Variants in PKHD1L1 observed in about 807,000 individuals in gnomAD.
PKHD1L1 encodes the protein PKHD1 like 1.
In PKHD1L1, 434 loss-of-function variants were observed where a neutral mutation model predicts 462.9. The ratio of observed to expected loss-of-function variants is 0.94; its 90% CI spans 0.87 to 1.02. The LOEUF (loss-of-function observed/expected upper bound fraction) is 1.02. PKHD1L1 is among the 50% of genes least tolerant of loss of function. The pLI is 0.00. For missense variants in PKHD1L1, 5,202 were observed against 5,096.1 expected (o/e 1.02, Z -0.63); for synonymous variants, 1,781 against 1,750.0 (o/e 1.02, Z -0.44).
chr8:109,470,245 C>G (rs529142145), intron 50 of PKHD1L1: 11 of 1,353,438 alleles, frequency 8.1e-6, no homozygotes, highest in Non-Finnish European at 1.0e-5. Context: ...ATACTCAGAT[C>G]ATCATGAAAA....
chr8:109,384,362 G>A (rs1466406604), intron 5 of PKHD1L1, among the ~76,000 whole-genome samples: 1 of 151,814 alleles, frequency 6.6e-6, no homozygotes, highest in Non-Finnish European at 1.5e-5. Flanking sequence ...AACATCATGA[G>A]ACCCTCTCTC....
In PKHD1L1 at chr8:109,362,607, T is replaced by A; in HGVS notation, c.27T>A (p.Ile9=). The change falls in exon 1 of 78, where the codon ATT becomes ATA. Residue 9 remains isoleucine, a synonymous_variant. Transcript: ENST00000378402. MGHLWLLG[I]WGLCGLLLCA... is the part of the protein sequence containing the mutation. ...TGGGACACCTGTGGCTCCTGGGTAT[T>A]TGGGGCCTCTGTGGGCTGCTCCTGT... 3 of 1,609,958 alleles carry A rather than the reference T, an allele frequency of 1.9e-6. No individual in the cohort carries two copies. The highest frequency in any genetic ancestry group is 2.5e-6 in the Non-Finnish European group (3 of 1,178,226).
chr8:109,479,530 G>A, intron 53 of PKHD1L1, 21 bp from the exon 54 acceptor site: 1 of 1,387,504 alleles, frequency 7.2e-7, no homozygotes, highest in Non-Finnish European at 1.0e-6. Context: ...ATTCATGGAA[G>A]TATTTCTCTT....
intron 12 of PKHD1L1, among the ~76,000 whole-genome samples, chr8:109,399,034 C>G (rs980244384): frequency 6.6e-6 from 1 of 152,136 alleles, no homozygotes; most frequent in African/African-American, 2.4e-5. Context: ...GCTTTCCTAT[C>G]TACACTAATA....
intron 77 of PKHD1L1, among the ~76,000 whole-genome samples, chr8:109,528,437 A>G (rs1284367414): frequency 6.6e-6 from 1 of 152,198 alleles, no homozygotes; most frequent in Non-Finnish European, 1.5e-5. Context: ...AAATATAATC[A>G]ACATCAAAGA....
intron 50 of PKHD1L1, among the ~76,000 whole-genome samples, chr8:109,468,794 TG>T (rs2130847558): frequency 6.6e-6 from 1 of 152,296 alleles, no homozygotes; most frequent in Non-Finnish European, 1.5e-5. Flanking sequence ...ATGGAAGGTC[TG>T]GTTATTTTTC....
At position 109,518,493 on chromosome 8, in the gene PKHD1L1, A is replaced by G. The variant is rs1820388776; in HGVS notation, c.12016A>G (p.Ser4006Gly). Residue 4006 changes from serine (S) to glycine (G), a missense_variant, in exon 73 of 78, where the codon AGC becomes GGC. Physicochemically the swap from Ser to Gly is moderately conservative, Grantham distance 56. Around this residue, in one of 3 missense-constraint regions of PKHD1L1, gnomAD observed 698 missense variants for 736.3 expected, o/e 0.95. Transcript: ENST00000378402. ...TGGAGACCCTCCTATTCAGTTCATAAGCAATGGCACCACAGGTATGAATAA... is the reference window on the plus strand; with the variant it reads ...TGGAGACCCTCCTATTCAGTTCATAGGCAATGGCACCACAGGTATGAATAA... ...EIGDPPIQFI[S>G]NGTTGQMQLS... 2 of 1,599,814 alleles carry G rather than the reference A, an allele frequency of 1.3e-6. No homozygotes were observed. Among genetic ancestry groups the G allele is most frequent in the Non-Finnish European group, 1.7e-6 (2 of 1,177,698 alleles).
At chr8:109,456,112 A>G in intron 45 of PKHD1L1, 150 bp from the exon 46 acceptor site, 5 of 756,916 alleles carry the variant, frequency 6.6e-6, no homozygotes, top group Admixed American at 3.4e-5. Context: ...AGCATTCTAC[A>G]TATTTCTTTT....
intron 50 of PKHD1L1, chr8:109,470,636 T>G: frequency 6.5e-7 from 1 of 1,537,218 alleles, no homozygotes; most frequent in South Asian, 1.2e-5. Context: ...GTGTCCCAAC[T>G]AGAATTGAAA....
At chr8:109,461,479 A>G (rs554053722) in intron 47 of PKHD1L1, among the ~76,000 whole-genome samples, 1 of 152,316 alleles carries the variant, frequency 6.6e-6, no homozygotes, top group East Asian at 1.9e-4. Context: ...AAGGCTTCAT[A>G]AATAATAAAA....
rs1818001301 is a variant in PKHD1L1 at position 109,476,633 on chromosome 8, C to T, written c.8883C>T (p.His2961=). The T allele has an allele frequency of 6.2e-7, 1 of 1,600,542 alleles. No individual in the cohort carries two copies. Among genetic ancestry groups the T allele is most frequent in the East Asian group, 2.2e-5 (1 of 44,512 alleles). ...ATACTAGCAAGAATGGGGACTGGCA[C>T]CTTGAAGCAAACACTAGTACTCTAT... is the stretch of plus-strand genomic sequence containing the variant. ...NWNTSKNGDW[H]LEANTSTLYY... is the part of the protein sequence containing the mutation. Residue 2961 remains histidine (H), a synonymous_variant, in exon 52 of 78, where the codon CAC becomes CAT. Transcript: ENST00000378402.
chr8:109,441,767 A>G (rs1470017931), intron 34 of PKHD1L1, among the ~76,000 whole-genome samples: 1 of 151,836 alleles, frequency 6.6e-6, no homozygotes, highest in African/African-American at 2.4e-5. Flanking sequence ...TTTTTTTTCA[A>G]ATTGTCTGTT....
Position 109,481,555 on chromosome 8 carries a change from G to A in PKHD1L1, c.9450G>A (p.Lys3150=), listed in dbSNP as rs775492005. 6 of 1,584,518 alleles carry A rather than the reference G, an allele frequency of 3.8e-6. No homozygotes were observed. Among genetic ancestry groups the A allele is most frequent in the Middle Eastern group, 1.7e-4 (1 of 5,996 alleles). The change falls in exon 56 of 78, where the codon AAG becomes AAA. Residue 3150 remains lysine (K), a synonymous_variant. Transcript: ENST00000378402. The stretch of plus-strand genomic sequence containing the variant: ...CAGAAGGACCAAATCAAGGGGCAAA[G>A]GTCTTAGGTGTGTGTCTACAGATAC... ...ALPEGPNQGA[K]VLGVFGELDL...
At chr8:109,447,140 T>C (rs1479387338) in intron 38 of PKHD1L1, among the ~76,000 whole-genome samples, 1 of 152,126 alleles carries the variant, frequency 6.6e-6, no homozygotes, top group African/African-American at 2.4e-5. Context: ...GGAGAATCGC[T>C]TGAATCCACG....
At chr8:109,376,640 T>G (rs1811851681) in intron 2 of PKHD1L1, among the ~76,000 whole-genome samples, 1 of 152,146 alleles carries the variant, frequency 6.6e-6, no homozygotes, top group Non-Finnish European at 1.5e-5. Flanking sequence ...CCGTCTTGAC[T>G]CCACCCCCCA....
At chr8:109,514,454 A>G (rs1485385024) in intron 71 of PKHD1L1, among the ~76,000 whole-genome samples, 2 of 152,208 alleles carry the variant, frequency 1.3e-5, no homozygotes, top group Non-Finnish European at 2.9e-5. Context: ...TGGCTGAAAT[A>G]GGAACTCAAA....
At position 109,369,621 on chromosome 8, in the gene PKHD1L1, G is replaced by A. The variant is rs12334497; in HGVS notation, c.163+4985G>A. The stretch of plus-strand genomic sequence containing the variant: ...CATTGACATGACATGTACCTGATAG[G>A]AAAATATATATATATATATATACAT... On this transcript the variant is annotated intron_variant, in intron 2 of 77. Transcript: ENST00000378402. 9.1e-3 allele frequency among the ~76,000 whole-genome samples: 1,178 copies of A among 128,876 alleles called. 13 individuals carry two copies. The highest frequency in any genetic ancestry group is 0.032 in the African/African-American group (1,117 of 35,286). The allele number at this position is 128,876 out of a possible 152,430, so 84.5% of individuals were successfully genotyped here.
In PKHD1L1 at chr8:109,448,129, T is replaced by A; in HGVS notation, c.5777-14T>A. ...TTAGATATATTTATATTGTGTGCTT[T>A]TTTTTTTTTTAAGGTCCACCAGGAA... On this transcript the variant is annotated splice_polypyrimidine_tract_variant and intron_variant, in intron 38 of 77. Transcript: ENST00000378402. 4.0e-6 allele frequency: 6 copies of A among 1,516,986 alleles called. No homozygotes were observed. The highest frequency in any genetic ancestry group is 5.4e-6 in the Non-Finnish European group (6 of 1,117,566). 94.0% of individuals were successfully genotyped at this position (1,516,986 alleles called of 1,614,324 possible).
At chr8:109,506,063 T>C (rs1819673852) in intron 68 of PKHD1L1, among the ~76,000 whole-genome samples, 1 of 152,216 alleles carries the variant, frequency 6.6e-6, no homozygotes, top group Admixed American at 6.5e-5. Context: ...TAGGCAGTTA[T>C]TAGCTCTTAT....
Sources: allele counts gnomAD v4.1 joint callset (sites outside exome capture counted in the v4.1 genomes callset), GRCh38; gene constraint gnomAD v4.1.1; regional missense constraint gnomAD v4.1.1; transcripts MANE v1.5; gene names NCBI Gene and HGNC (gene_info 2026-07-23, HGNC 2026-07-21).